MYO18B: variants seen among roughly 807,000 people sequenced by gnomAD.
MYO18B encodes myosin XVIIIB, also known as unconventional myosin-XVIIIb.
Under a neutral mutation model 273.0 loss-of-function variants are expected in MYO18B, and 204 were observed. That is an observed-to-expected ratio of 0.75 (90% CI 0.67 to 0.84). The LOEUF is 0.84. Ranked by LOEUF, MYO18B falls within the 40% of genes least tolerant of loss-of-function variation. MYO18B has a pLI of 0.00. For synonymous variants in MYO18B, 1,330 were observed against 1,305.7 expected (o/e 1.02, Z -0.40); for missense variants, 3,212 against 3,287.6 (o/e 0.98, Z 0.56).
chr22:25,845,101 C>T (rs1187299613), intron 18 of MYO18B, among the ~76,000 whole-genome samples: 1 of 152,194 alleles, frequency 6.6e-6, no homozygotes, highest in African/African-American at 2.4e-5. Flanking sequence ...CCAAAGCTCC[C>T]ATGTCTGATC....
rs185452044 is a variant in MYO18B, at chr22:25,833,095, G to A, written c.3060+98G>A. On this transcript the variant is annotated intron_variant, in intron 16 of 43. Coordinates refer to ENST00000335473, the MANE Select transcript of MYO18B (RefSeq NM_032608.7). ...CTTCAGTCTACTAGTTGTCAATGCC[G>A]TGTGCACCTAGAGTCACCCCGGGAT... 2.8e-3 allele frequency: 3,173 copies of A among 1,144,422 alleles called. 37 individuals are homozygous for A. Among genetic ancestry groups the A allele is most frequent in the Non-Finnish European group, 1.7e-3 (1,289 of 763,548 alleles). 70.9% of individuals were successfully genotyped at this position (1,144,422 alleles called of 1,614,324 possible). A position where few individuals can be genotyped will look rare whatever the true frequency, so the allele number is the denominator to read the frequency against.
chr22:25,808,652 G>A (rs1156305611), intron 12 of MYO18B, among the ~76,000 whole-genome samples: 1 of 152,108 alleles, frequency 6.6e-6, no homozygotes, highest in Admixed American at 6.5e-5. Flanking sequence ...GCAGAATTGA[G>A]GAGAGCTCAG....
chr22:25,921,468 G>T, intron 34 of MYO18B, 59 bp downstream of exon 34: 4 of 1,547,806 alleles, frequency 2.6e-6, no homozygotes, highest in African/African-American at 2.7e-5. Context: ...GACCTGCAGA[G>T]AATTGCTGTC....
chr22:25,935,281 T>A (rs1601616402), intron 34 of MYO18B, among the ~76,000 whole-genome samples: 1 of 151,792 alleles, frequency 6.6e-6, no homozygotes, highest in Non-Finnish European at 1.5e-5. Flanking sequence ...GGGAGGGGGG[T>A]CTCCCTGCTA....
the MYO18B span, among the ~76,000 whole-genome samples, chr22:26,058,916 T>A: frequency 2.0e-5 from 3 of 152,172 alleles, no homozygotes; most frequent in Non-Finnish European, 2.9e-5. Flanking sequence ...GACTAAGACA[T>A]GGACAAAGCT....
intron 12 of MYO18B, among the ~76,000 whole-genome samples, chr22:25,821,670 G>A (rs1043627070): frequency 6.6e-6 from 1 of 152,102 alleles, no homozygotes; most frequent in South Asian, 2.1e-4. Flanking sequence ...CCAGCTACAC[G>A]GGAGGCTGAG....
At chr22:25,960,462 CTCA>C (rs1452957199) in intron 39 of MYO18B, among the ~76,000 whole-genome samples, 1 of 152,142 alleles carries the variant, frequency 6.6e-6, no homozygotes, top group Non-Finnish European at 1.5e-5. Flanking sequence ...GGTTTTATCC[CTCA>C]TCACCTTGGC....
At chr22:25,945,215 C>T (rs2092690493) in intron 34 of MYO18B, among the ~76,000 whole-genome samples, 1 of 152,120 alleles carries the variant, frequency 6.6e-6, no homozygotes, top group South Asian at 2.1e-4. Context: ...ACCCTGAACC[C>T]TGGTTAAGAA....
intron 34 of MYO18B, among the ~76,000 whole-genome samples, chr22:25,926,932 C>T (rs1469822296): frequency 6.6e-6 from 1 of 152,148 alleles, no homozygotes; most frequent in Non-Finnish European, 1.5e-5. Flanking sequence ...ATTTCTTATG[C>T]CTGTCTTTAT....
intron 22 of MYO18B, among the ~76,000 whole-genome samples, chr22:25,869,427 G>T (rs2090983636): frequency 7.6e-6 from 1 of 131,050 alleles, no homozygotes; most frequent in African/African-American, 2.8e-5. Flanking sequence ...TCCAGCCTGG[G>T]CAATAGAACA....
In MYO18B at chr22:26,029,375, G is replaced by A. The variant is rs141942651; in HGVS notation, c.*13-1068G>A. 8.5e-5 allele frequency among the ~76,000 whole-genome samples: 13 copies of A among 152,242 alleles called. No individual in the cohort carries two copies. In the East Asian group the frequency reaches 1.9e-3, roughly 23 times the overall value. ...CCATCAAAAAGCCATTGCCCCTTCC[G>A]TGGAGACAGGTTTGGACTCTATCAG... On this transcript the variant is annotated intron_variant, in intron 43 of 43. Coordinates refer to ENST00000335473, the MANE Select transcript of MYO18B (RefSeq NM_032608.7).
chr22:26,017,215 T>G (rs575782860), intron 42 of MYO18B, among the ~76,000 whole-genome samples: 2 of 151,348 alleles, frequency 1.3e-5, no homozygotes, highest in African/African-American at 4.9e-5. Flanking sequence ...TTTTTTAAAT[T>G]TGTTAACAAA....
intron 42 of MYO18B, among the ~76,000 whole-genome samples, chr22:26,015,358 C>A (rs887485672): frequency 6.6e-6 from 1 of 152,106 alleles, no homozygotes; most frequent in African/African-American, 2.4e-5. Flanking sequence ...ATATATGGTT[C>A]ATCACAACAC....
intron 1 of MYO18B, among the ~76,000 whole-genome samples, chr22:25,753,165 A>C (rs2085991676): frequency 6.6e-6 from 1 of 152,070 alleles, no homozygotes. Context: ...CAGTGCGGGA[A>C]GCTCAGCCCG....
chr22:25,950,977 T>C (rs75562905), intron 37 of MYO18B, among the ~76,000 whole-genome samples: 1,794 of 152,264 alleles, frequency 0.012, 37 homozygotes, highest in African/African-American at 0.04. Flanking sequence ...ACTGAAGAAC[T>C]TGGAATTCAA....
At chr22:25,966,995 G>A (rs909970709) in intron 39 of MYO18B, among the ~76,000 whole-genome samples, 1 of 152,114 alleles carries the variant, frequency 6.6e-6, no homozygotes, top group South Asian at 2.1e-4. Flanking sequence ...ATTACTCCCC[G>A]ACTTGTGGCT....
the MYO18B span, among the ~76,000 whole-genome samples, chr22:26,042,536 G>A: frequency 6.6e-6 from 1 of 152,222 alleles, no homozygotes; most frequent in Non-Finnish European, 1.5e-5. Context: ...GGCAGAATTA[G>A]TTCCCAAGTA....
chr22:25,781,259 AGTTCTGAC>A (rs1040244408), intron 9 of MYO18B, among the ~76,000 whole-genome samples: 41 of 152,304 alleles, frequency 2.7e-4, no homozygotes, highest in African/African-American at 9.6e-4. Context: ...AGGATTGAGA[AGTTCTGAC>A]GTGGAGGTTG....
At chr22:25,798,451 A>G (rs1433608139) in intron 12 of MYO18B, among the ~76,000 whole-genome samples, 1 of 152,184 alleles carries the variant, frequency 6.6e-6, no homozygotes, top group East Asian at 1.9e-4. Flanking sequence ...ATTTAAATTT[A>G]AGTAGTCATA....
Sources: gnomAD v4.1 joint callset for allele counts (sites outside exome capture counted in the v4.1 genomes callset) on GRCh38, gnomAD v4.1.1 for gene constraint, MANE v1.5 for transcripts, NCBI Gene and HGNC (gene_info 2026-07-23, HGNC 2026-07-21) for gene names.